Variants in TFDP1 observed in about 807,000 individuals in gnomAD.
TFDP1 encodes the protein DRTF1-polypeptide 1.
A neutral mutation model predicts 48.0 loss-of-function variants in TFDP1; 6 were observed. The observed-to-expected ratio is 0.13, with a 90% CI of 0.07 to 0.25. The LOEUF (loss-of-function observed/expected upper bound fraction) is 0.25. TFDP1 is among the 10% of genes least tolerant of loss of function. The pLI, the probability that TFDP1 is intolerant of heterozygous loss-of-function variation, is 1.00. For synonymous variants in TFDP1, 201 were observed against 211.6 expected (o/e 0.95, Z 0.44); for missense variants, 335 against 543.0 (o/e 0.62, Z 3.81).
At chr13:113,635,604 G>A (rs757787123) in intron 8 of TFDP1, among the ~76,000 whole-genome samples, 7 of 152,168 alleles carry the variant, frequency 4.6e-5, no homozygotes, top group South Asian at 2.1e-4. Flanking sequence ...TCCACGGCAC[G>A]GCACCCCCTC....
At chr13:113,585,413 CGG>C (rs2047976446) in intron 1 of TFDP1, 1 of 155,230 alleles carries the variant, frequency 6.4e-6, no homozygotes. Flanking sequence ...GCCGGGACCC[CGG>C]GGCTGTGCCC....
intron 2 of TFDP1, among the ~76,000 whole-genome samples, chr13:113,597,316 C>T (rs1017342736): frequency 1.1e-4 from 16 of 152,232 alleles, no homozygotes; most frequent in Non-Finnish European, 1.8e-4. Context: ...TGGTCTCCAC[C>T]TCCCACAGGC....
At chr13:113,624,667 T>TCAGGGTATCTCTCACATGTC (rs1176103379) in intron 4 of TFDP1, among the ~76,000 whole-genome samples, 12 of 144,688 alleles carry the variant, frequency 8.3e-5, no homozygotes, top group African/African-American at 2.9e-4. Flanking sequence ...CTCAGGTGTC[T>TCAGGGTATCTCTCACATGTC]CTCAGGGTAT....
chr13:113,603,049 C>A (rs1483369925), intron 2 of TFDP1, among the ~76,000 whole-genome samples: 2 of 151,562 alleles, frequency 1.3e-5, no homozygotes, highest in Non-Finnish European at 2.9e-5. Flanking sequence ...ATGCAGCCTG[C>A]AGGACACAGG....
intron 2 of TFDP1, among the ~76,000 whole-genome samples, chr13:113,593,388 G>GTGC (rs2048198112): frequency 7.5e-6 from 1 of 133,448 alleles, no homozygotes; most frequent in South Asian, 2.6e-4. Flanking sequence ...GGTGACAGGT[G>GTGC]TGTGTGCGGG....
chr13:113,589,642 T>C (rs911739466), intron 2 of TFDP1, among the ~76,000 whole-genome samples: 5 of 152,162 alleles, frequency 3.3e-5, no homozygotes, highest in Non-Finnish European at 5.9e-5. Context: ...ATCTGTGGGC[T>C]CCCGTTGCAG....
At chr13:113,590,049 G>A (rs1350199464) in intron 2 of TFDP1, among the ~76,000 whole-genome samples, 1 of 152,240 alleles carries the variant, frequency 6.6e-6, no homozygotes, top group Non-Finnish European at 1.5e-5. Flanking sequence ...GTGTGGGGCT[G>A]TTTCTGGGGT....
intron 2 of TFDP1, among the ~76,000 whole-genome samples, chr13:113,603,565 C>T (rs954094567): frequency 6.6e-6 from 1 of 152,180 alleles, no homozygotes; most frequent in Non-Finnish European, 1.5e-5. Flanking sequence ...TCAATTGATT[C>T]AGCTTTTTCT....
intron 2 of TFDP1, among the ~76,000 whole-genome samples, chr13:113,590,736 C>T (rs2048119123): frequency 6.6e-6 from 1 of 151,842 alleles, no homozygotes; most frequent in Non-Finnish European, 1.5e-5. Context: ...TTGGGCCGGG[C>T]GCAGTGGCTC....
chr13:113,610,436 CAT>C (rs750715261), intron 2 of TFDP1, among the ~76,000 whole-genome samples: 5 of 148,590 alleles, frequency 3.4e-5, no homozygotes, highest in Admixed American at 2.7e-4. Flanking sequence ...TGCCATCACA[CAT>C]GTGCCCCCGC....
chr13:113,637,527 C>T (rs1274857043), intron 10 of TFDP1: 3 of 1,270,062 alleles, frequency 2.4e-6, no homozygotes, highest in Admixed American at 2.6e-5. Context: ...TTCCGTTTCA[C>T]GATGGGTATG....
At chr13:113,592,249 G>A (rs959984760) in intron 2 of TFDP1, among the ~76,000 whole-genome samples, 8 of 152,178 alleles carry the variant, frequency 5.3e-5, no homozygotes, top group Non-Finnish European at 1.2e-4. Flanking sequence ...TCTGTCTCCC[G>A]GGTTCAAGCG....
At chr13:113,595,171 A>T (rs560337241) in intron 2 of TFDP1, among the ~76,000 whole-genome samples, 10 of 152,184 alleles carry the variant, frequency 6.6e-5, no homozygotes, top group African/African-American at 2.4e-4. Context: ...GGAGATAATT[A>T]AAAAAAAGAC....
In TFDP1 at chr13:113,633,877, C is replaced by G; in HGVS notation, c.475-13C>G. Reference sequence around the variant, plus strand: ...TTGGATCATTTGGAAACTCCACTCCCTGTCATCCCCAGGCTTATGACCAGA... The same window carrying G: ...TTGGATCATTTGGAAACTCCACTCCGTGTCATCCCCAGGCTTATGACCAGA... On this transcript the variant is annotated splice_polypyrimidine_tract_variant and intron_variant, in intron 6 of 11. Transcript: ENST00000375370. The surrounding 1 kb of genome is among the most constrained non-coding windows in gnomAD (Gnocchi z 4.5). 4 of 1,602,652 alleles carry G rather than the reference C, an allele frequency of 2.5e-6. No homozygotes were observed. The highest frequency in any genetic ancestry group is 1.9e-4 in the Middle Eastern group (1 of 5,252).
rs1210404563 is a variant in TFDP1, at chr13:113,621,502, A to G, written c.80-1678A>G. ...TGATTATATATGAATATCATTAATC[A>G]TTAGTTTGTAGCAATTACTCTTTAT... On this transcript the variant is annotated intron_variant, in intron 3 of 11. Coordinates refer to ENST00000375370, the MANE Select transcript of TFDP1 (RefSeq NM_007111.5). 2.0e-5 allele frequency among the ~76,000 whole-genome samples: 3 copies of G among 152,366 alleles called. No individual in the cohort carries two copies. The East Asian group carries it at 5.8e-4, about 29-fold the overall frequency.
chr13:113,635,893 A>T, intron 8 of TFDP1, 84 bp from the exon 9 acceptor site: 1 of 1,471,362 alleles, frequency 6.8e-7, no homozygotes, highest in South Asian at 1.3e-5. Flanking sequence ...ACGTGGACGC[A>T]GGGAGGGCTG....
At chr13:113,604,160 CAAA>C (rs5806996) in intron 2 of TFDP1, among the ~76,000 whole-genome samples, 7 of 104,456 alleles carry the variant, frequency 6.7e-5, no homozygotes, top group Non-Finnish European at 6.1e-5. Context: ...CAGCCTGTCT[CAAA>C]AAAAAAAAAA....
At position 113,641,082 on chromosome 13, in the gene TFDP1, T is replaced by C. The variant is rs907444468; in HGVS notation, c.*815T>C. On this transcript the variant is annotated 3_prime_UTR_variant, in exon 12 of 12. Transcript: ENST00000375370. ...TATTATATAGTTGTTTACATACTTA[T>C]AAGTCTATCATTTAAAGACATGTAC... 2.0e-5 allele frequency: 3 copies of C among 152,686 alleles called. No homozygotes were observed. Among genetic ancestry groups the C allele is most frequent in the African/African-American group, 2.4e-5 (1 of 41,466 alleles). 9.5% of individuals were successfully genotyped at this position (152,686 alleles called of 1,614,324 possible).
intron 3 of TFDP1, among the ~76,000 whole-genome samples, chr13:113,616,269 C>T (rs1157960222): frequency 1.3e-5 from 2 of 151,294 alleles, no homozygotes; most frequent in Non-Finnish European, 2.9e-5. Context: ...GCAGCTGGTG[C>T]GTGGAGTGTC....
Sources: allele counts gnomAD v4.1 joint callset (sites outside exome capture counted in the v4.1 genomes callset), GRCh38; gene constraint gnomAD v4.1.1; non-coding constraint Gnocchi (gnomAD v3.1); transcripts MANE v1.5; gene names NCBI Gene and HGNC (gene_info 2026-07-23, HGNC 2026-07-21).